DHRS4L2: variants seen among roughly 807,000 people sequenced by gnomAD.
The protein encoded by DHRS4L2 is dehydrogenase/reductase 4 like 2, also known as dehydrogenase/reductase SDR family member 4-like 2.
A neutral mutation model predicts 23.9 loss-of-function variants in DHRS4L2; 22 were observed. The ratio of observed to expected loss-of-function variants is 0.92; its 90% CI spans 0.66 to 1.31. The LOEUF is 1.31. Ranked by LOEUF, DHRS4L2 falls within the 40% of genes most tolerant of loss-of-function variation. The probability of loss-of-function intolerance (pLI) is 0.00; values close to 1 mark genes in which losing one functional copy is unlikely to be tolerated. For missense variants in DHRS4L2, 385 were observed against 303.3 expected (o/e 1.27, Z -2.00); for synonymous variants, 141 against 123.7 (o/e 1.14, Z -0.93).
rs2034243673 is a variant in DHRS4L2 at position 23,990,315 on chromosome 14, T to A, written c.262T>A (p.Cys88Ser). The A allele has an allele frequency of 2.5e-6, 4 of 1,611,904 alleles. No individual in the cohort carries two copies. The East Asian group carries it at 6.7e-5, about 27-fold the overall frequency. ...GEGLSVTGTV[C>S]HVGKAEDRER... is the part of the protein sequence containing the mutation. The stretch of plus-strand genomic sequence containing the variant: ...GGGGCTGAGCGTGACGGGCACTGTG[T>A]GCCATGTGGGGAAGGCGGAGGACCG... Residue 88 changes from cysteine (C) to serine (S), a missense_variant, in exon 2 of 8, where the codon TGC (cysteine) becomes AGC (serine). Physicochemically the swap from Cys to Ser is moderately radical, Grantham distance 112. Transcript: ENST00000335125.
chr14:24,000,977 C>A (rs564645090), intron 4 of DHRS4L2, 44 bp downstream of exon 4: 2 of 1,611,460 alleles, frequency 1.2e-6, no homozygotes, highest in Non-Finnish European at 8.5e-7. Flanking sequence ...GGACCCCACA[C>A]AGGCTGAGGG....
At chr14:23,986,769 C>T (rs1007617120), upstream of DHRS4L2, among the ~76,000 whole-genome samples, 1 of 149,352 alleles carries the variant, frequency 6.7e-6, no homozygotes, top group South Asian at 2.1e-4. Flanking sequence ...TGAACCAAGC[C>T]CTGAGAACCC....
At chr14:23,986,562 G>C (rs1012527549), upstream of DHRS4L2, among the ~76,000 whole-genome samples, 4 of 150,830 alleles carry the variant, frequency 2.7e-5, no homozygotes, top group Non-Finnish European at 5.9e-5. Context: ...AGGCCAAATA[G>C]CAACCCTGCC....
intron 1 of DHRS4L2, among the ~76,000 whole-genome samples, chr14:23,971,678 A>G (rs141882712): frequency 2.8e-4 from 42 of 152,174 alleles, no homozygotes; most frequent in African/African-American, 9.1e-4. Flanking sequence ...AATATTCAAC[A>G]TTCTGAAAGA....
At chr14:23,987,926 C>A, upstream of DHRS4L2, among the ~76,000 whole-genome samples, 1 of 151,088 alleles carries the variant, frequency 6.6e-6, no homozygotes, top group East Asian at 1.9e-4. Context: ...CTCCCGGAAA[C>A]CCAGGAGGGA....
intron 2 of DHRS4L2, among the ~76,000 whole-genome samples, chr14:23,992,680 AAG>A (rs1214076585): frequency 6.6e-6 from 1 of 151,322 alleles, no homozygotes; most frequent in African/African-American, 2.4e-5. Flanking sequence ...TAAGACTTAG[AAG>A]ACTTTCTTTT....
At chr14:23,974,241 T>C (rs1460746545) in intron 1 of DHRS4L2, among the ~76,000 whole-genome samples, 1 of 151,556 alleles carries the variant, frequency 6.6e-6, no homozygotes, top group Non-Finnish European at 1.5e-5. Flanking sequence ...TGGGACACAT[T>C]TAAAACAGTG....
intron 5 of DHRS4L2, 112 bp downstream of exon 5, chr14:24,001,196 C>T (rs1226825739): frequency 1.9e-6 from 3 of 1,596,850 alleles, no homozygotes; most frequent in Non-Finnish European, 2.6e-6. Flanking sequence ...CCACCAAGTC[C>T]CTGCCCACAA....
rs763214664 is a variant in DHRS4L2 at position 24,001,053 on chromosome 14, T to G, written c.500T>G (p.Val167Gly). ...EKRGGGSVVI[V>G]SSIAAFSPSP... ...TCCAGAGGCGGCTCAGTGGTGATCGTGTCTTCCATAGCAGCCTTCAGTCCA... is the reference window on the plus strand; with the variant it reads ...TCCAGAGGCGGCTCAGTGGTGATCGGGTCTTCCATAGCAGCCTTCAGTCCA... Residue 167 changes from valine (V) to glycine (G), a missense_variant, in exon 5 of 8, where the codon GTG (valine) becomes GGG (glycine). Coordinates refer to ENST00000335125, the MANE Select transcript of DHRS4L2 (RefSeq NM_198083.4). 1.9e-6 allele frequency: 3 copies of G among 1,611,436 alleles called. No individual in the cohort carries two copies. The highest frequency in any genetic ancestry group is 2.5e-6 in the Non-Finnish European group (3 of 1,179,470).
At chr14:24,001,957 C>CTTGTTTTTTTTTTTTTTTTTTTTT (rs2034497756) in intron 6 of DHRS4L2, among the ~76,000 whole-genome samples, 2 of 5,516 alleles carry the variant, frequency 3.6e-4, no homozygotes, top group African/African-American at 3.8e-3. Context: ...CTTTCCTCTT[C>CTTGTTTTTTTTTTTTTTTTTTTTT]TTTTTTTTTT....
Position 23,974,695 on chromosome 14 carries a change from T to C in DHRS4L2, c.-176+4363T>C, listed in dbSNP as rs560160370. 2.6e-5 allele frequency among the ~76,000 whole-genome samples: 4 copies of C among 151,844 alleles called. No homozygotes were observed. In the East Asian group the frequency reaches 7.7e-4, roughly 29 times the overall value. ...ACACATACACCTTCTGCAGACTAAA[T>C]CAGGACGAAGTTGAATTGCTGAATA... On this transcript the variant is annotated intron_variant, in intron 1 of 5. Transcript: ENST00000534993.
intron 2 of DHRS4L2, among the ~76,000 whole-genome samples, chr14:23,992,361 A>G (rs1193180113): frequency 1.3e-5 from 2 of 151,644 alleles, no homozygotes; most frequent in Non-Finnish European, 2.9e-5. Context: ...GAAGTCAAAA[A>G]TGACTCTCAG....
chr14:23,985,816 G>A (rs563169002), upstream of DHRS4L2, among the ~76,000 whole-genome samples: 5 of 151,508 alleles, frequency 3.3e-5, no homozygotes, highest in South Asian at 2.1e-4. Flanking sequence ...CCAGGTTCAA[G>A]CAATTCTCCT....
chr14:24,000,965 G>T lies in DHRS4L2; in HGVS notation c.479+32G>T, dbSNP rs781132993. 2.5e-5 allele frequency: 41 copies of T among 1,611,340 alleles called. 1 individual carries two copies. The highest frequency in any genetic ancestry group is 1.3e-4 in the Admixed American group (8 of 59,958). ...AGAGTGAGAGAGAGCCTGGGTGAGA[G>T]GGGACCCCACACAGGCTGAGGGCAG... On this transcript the variant is annotated intron_variant, in intron 4 of 7. Transcript: ENST00000335125.
chr14:24,001,230 C>G lies in DHRS4L2; in HGVS notation c.531+146C>G. On this transcript the variant is annotated intron_variant, in intron 5 of 7. Transcript: ENST00000335125. Reference sequence around the variant, plus strand: ...AAAATAGATGCCTTGCCTCCACAAACCATAACCTAGGGGAGGTTTAGCCAC... The same window carrying G: ...AAAATAGATGCCTTGCCTCCACAAAGCATAACCTAGGGGAGGTTTAGCCAC... 3.8e-6 allele frequency: 6 copies of G among 1,578,270 alleles called. No homozygotes were observed. The South Asian group carries it at 5.8e-5, about 15-fold the overall frequency.
At chr14:24,001,576 G>T in intron 6 of DHRS4L2, 59 bp downstream of exon 6, 5 of 1,579,900 alleles carry the variant, frequency 3.2e-6, no homozygotes, top group Middle Eastern at 1.7e-4. Context: ...CATCTTCTTG[G>T]ACAGGGAAGC....
intron 1 of DHRS4L2, among the ~76,000 whole-genome samples, chr14:23,976,230 G>C (rs111447845): frequency 9.1e-4 from 138 of 151,746 alleles, no homozygotes; most frequent in Middle Eastern, 3.4e-3. Context: ...CTAATATTCA[G>C]AATCTACAAA....
chr14:24,005,644 C>T (rs1318612710), intron 7 of DHRS4L2, among the ~76,000 whole-genome samples: 9 of 151,900 alleles, frequency 5.9e-5, no homozygotes, highest in South Asian at 2.1e-4. Context: ...CTCTAAAAAC[C>T]GGTGTGTTTC....
At chr14:23,978,090 T>C (rs1040123324) in intron 1 of DHRS4L2, among the ~76,000 whole-genome samples, 2 of 151,724 alleles carry the variant, frequency 1.3e-5, no homozygotes, top group Admixed American at 6.6e-5. Context: ...TAAATTCAAT[T>C]CTCACCCTTT....
Sources: gnomAD v4.1 joint callset for allele counts (sites outside exome capture counted in the v4.1 genomes callset) on GRCh38, gnomAD v4.1.1 for gene constraint, MANE v1.5 for transcripts, NCBI Gene and HGNC (gene_info 2026-07-23, HGNC 2026-07-21) for gene names.